The following NEU1 variants were observed in gnomAD, a reference collection of about 807,000 sequenced individuals.
The protein encoded by NEU1 is neuraminidase 1, also known as sialidase-1.
In NEU1, 32 loss-of-function variants were observed where a neutral mutation model predicts 38.3. The ratio of observed to expected loss-of-function variants is 0.84; its 90% CI spans 0.63 to 1.12. The LOEUF is 1.12. Among genes scored for constraint, NEU1 ranks in the 50% most tolerant of loss-of-function variants. The probability of loss-of-function intolerance (pLI) is 0.00; values close to 1 mark genes in which losing one functional copy is unlikely to be tolerated. For missense variants in NEU1, 431 were observed against 549.2 expected, an observed-to-expected ratio of 0.78 and a Z score of 2.15; for synonymous variants, 192 against 225.2, an observed-to-expected ratio of 0.85 and a Z score of 1.32.
Position 31,862,807 on chromosome 6 carries a change from C to G in NEU1, c.-31G>C. On this transcript the variant is annotated 5_prime_UTR_variant, in exon 1 of 6. Transcript: ENST00000375631. The surrounding 1 kb of genome is among the most constrained non-coding windows in gnomAD (Gnocchi z 6.3). ...CCCGCAGCTGCCGCGACCCTGGCAG[C>G]TAGACTCCACAGAGTCGGGAGTCAG... 3.7e-6 allele frequency: 6 copies of G among 1,611,994 alleles called. No homozygotes were observed. The highest frequency in any genetic ancestry group is 4.2e-6 in the Non-Finnish European group (5 of 1,179,676).
Position 31,862,619 on chromosome 6 carries a change from A to T in NEU1, c.158T>A (p.Leu53Gln), listed in dbSNP as rs769626865. Residue 53 changes from leucine (L) to glutamine (Q), a missense_variant and splice_region_variant, in exon 1 of 6, where the codon CTG (leucine) becomes CAG (glutamine). By Grantham distance (113) the Leu-to-Gln change is moderately radical (BLOSUM62 -2). Coordinates refer to ENST00000375631, the MANE Select transcript of NEU1 (RefSeq NM_000434.4). The surrounding 1 kb of genome is among the most constrained non-coding windows in gnomAD (Gnocchi z 6.3). ...GGGGCTATGCAAAGGGTGACTCACCAGACCGAAGTCGTTCTCAGCCTTGGA... is the reference window on the plus strand; with the variant it reads ...GGGGCTATGCAAAGGGTGACTCACCTGACCGAAGTCGTTCTCAGCCTTGGA... ...SWSKAENDFGLVQPLVTMEQL... is the reference protein window; with the variant it reads ...SWSKAENDFGQVQPLVTMEQL... 1 of 1,613,108 alleles carries T rather than the reference A, an allele frequency of 6.2e-7. No homozygotes were observed. Among genetic ancestry groups the T allele is most frequent in the South Asian group, 1.1e-5 (1 of 91,090 alleles).
In NEU1 at chr6:31,860,045, AC is replaced by A. The variant is rs749033516; in HGVS notation, c.1017del (p.Glu339AspfsTer4). On this transcript the variant is annotated frameshift_variant, in exon 5 of 6. Coordinates refer to ENST00000375631, the MANE Select transcript of NEU1 (RefSeq NM_000434.4). LOFTEE classifies it high-confidence loss of function. The surrounding 1 kb of genome is among the most constrained non-coding windows in gnomAD (Gnocchi z 4.8). ...ACCCCACCCATGAGGCACTCACGGAACTCTGGATGTGCTGGGTTGGAGAAGA... is the reference window on the plus strand; with the variant it reads ...ACCCCACCCATGAGGCACTCACGGAATCTGGATGTGCTGGGTTGGAGAAGA... ...IVFFSNPAHP[E>X]FRVNLTLRWS... is the part of the protein sequence containing the mutation. 6.2e-7 allele frequency: 1 copy of A among 1,612,744 alleles called. No homozygotes were observed. Among genetic ancestry groups the A allele is most frequent in the African/African-American group, 1.3e-5 (1 of 74,934 alleles).
chr6:31,861,555 G>T, intron 2 of NEU1, 105 bp from the exon 3 acceptor site: 2 of 1,436,524 alleles, frequency 1.4e-6, no homozygotes, highest in South Asian at 1.2e-5. Context: ...CAGGCCTTCC[G>T]ATGGTCCCAG....
intron 2 of NEU1, 86 bp from the exon 3 acceptor site, chr6:31,861,536 T>G (rs1762513439): frequency 6.4e-7 from 1 of 1,574,214 alleles, no homozygotes; most frequent in African/African-American, 1.3e-5. Flanking sequence ...CACCTTCTGC[T>G]AGGGACCTCA....
Position 31,862,608 on chromosome 6 carries a change from G to T in NEU1, c.159+10C>A. On this transcript the variant is annotated intron_variant, in intron 1 of 5. Transcript: ENST00000375631. The surrounding 1 kb of genome is among the most constrained non-coding windows in gnomAD (Gnocchi z 6.3). ...GGGTCGGGGATGGGGCTATGCAAAGGGTGACTCACCAGACCGAAGTCGTTC... is the reference window on the plus strand; with the variant it reads ...GGGTCGGGGATGGGGCTATGCAAAGTGTGACTCACCAGACCGAAGTCGTTC... 1.2e-6 allele frequency: 2 copies of T among 1,613,066 alleles called. No individual in the cohort carries two copies. The highest frequency in any genetic ancestry group is 1.7e-6 in the Non-Finnish European group (2 of 1,180,034).
rs1449199704 is a variant in NEU1 at position 31,859,850 on chromosome 6, G to A, written c.1117C>T (p.Leu373=). ...LWPGPSGYSS[L]ATLEGSMDGE... is the part of the protein sequence containing the mutation. The stretch of plus-strand genomic sequence containing the variant: ...TCCATGCTGCCCTCCAGGGTTGCCA[G>A]GGATGAATAGCCACTGGGGCCTGGC... Residue 373 remains leucine (L), a synonymous_variant, in exon 6 of 6, where the codon CTG becomes TTG. Transcript: ENST00000375631. 1 of 1,613,094 alleles carries A rather than the reference G, an allele frequency of 6.2e-7. No homozygotes were observed. The highest frequency in any genetic ancestry group is 1.1e-5 in the South Asian group (1 of 91,084).
At position 31,861,200 on chromosome 6, in the gene NEU1, G is replaced by T; in HGVS notation, c.603C>A (p.Gly201=). 2.5e-6 allele frequency: 4 copies of T among 1,611,770 alleles called. No individual in the cohort carries two copies. In the South Asian group the frequency reaches 4.4e-5, roughly 18 times the overall value. Residue 201 remains glycine (G), a synonymous_variant, in exon 3 of 6, where the codon GGC becomes GGA. Coordinates refer to ENST00000375631, the MANE Select transcript of NEU1 (RefSeq NM_000434.4). ...CTAGGACAGAGACCTGAATACCAGA[G>T]CCCGGTCCAGGGGCAAACACTTCAG... is the stretch of plus-strand genomic sequence containing the variant. ...IGTEVFAPGP[G]SGIQKQREPR... is the part of the protein sequence containing the mutation.
In NEU1 at chr6:31,860,343, T is replaced by C; in HGVS notation, c.799-79A>G. 9.4e-6 allele frequency: 15 copies of C among 1,603,438 alleles called. No individual in the cohort carries two copies. Among genetic ancestry groups the C allele is most frequent in the Non-Finnish European group, 1.3e-5 (15 of 1,170,706 alleles). On this transcript the variant is annotated intron_variant, in intron 4 of 5. Coordinates refer to ENST00000375631, the MANE Select transcript of NEU1 (RefSeq NM_000434.4). This position sits in a 1 kb window ranked among gnomAD's most constrained non-coding sequence, Gnocchi z 4.8. ...CGAGGGGAGCAAGGGTGTGTGGCAC[T>C]GAGTGGAGCAGTCAGACCCTGGGTC...
Position 31,859,735 on chromosome 6 carries a change from A to G in NEU1, c.1232T>C (p.Val411Ala), listed in dbSNP as rs1303063503. ...TESISVAKIS[V>A]YGTL Reference sequence around the variant, plus strand: ...TGGCACAGCTCAGAGTGTCCCATAGACACTGATTTTGGCCACGGAGATGCT... The same window carrying G: ...TGGCACAGCTCAGAGTGTCCCATAGGCACTGATTTTGGCCACGGAGATGCT... The change falls in exon 6 of 6, where the codon GTC becomes GCC. Residue 411 changes from valine (V) to alanine (A), a missense_variant. Coordinates refer to ENST00000375631, the MANE Select transcript of NEU1 (RefSeq NM_000434.4). 2.0e-5 allele frequency: 33 copies of G among 1,612,796 alleles called. No homozygotes were observed. The highest frequency in any genetic ancestry group is 2.7e-5 in the Non-Finnish European group (32 of 1,180,012).
At position 31,861,047 on chromosome 6, in the gene NEU1, A is replaced by G. The variant is rs993702946; in HGVS notation, c.615+141T>C. 23 of 1,156,932 alleles carry G rather than the reference A, an allele frequency of 2.0e-5. 1 individual carries two copies. The South Asian group carries it at 3.1e-4, about 16-fold the overall frequency. The allele number at this position is 1,156,932 out of a possible 1,614,324, so 71.7% of individuals were successfully genotyped here. A position where few individuals can be genotyped will look rare whatever the true frequency, so the allele number is the denominator to read the frequency against. Reference sequence around the variant, plus strand: ...CTCCTGATAATGTGTTCCTACCAGGATGCCCTGTCTTTCAAGGAATCCCAC... The same window carrying G: ...CTCCTGATAATGTGTTCCTACCAGGGTGCCCTGTCTTTCAAGGAATCCCAC... On this transcript the variant is annotated intron_variant, in intron 3 of 5. Transcript: ENST00000375631.
At position 31,862,235 on chromosome 6, in the gene NEU1, G is replaced by A. The variant is rs1188589555; in HGVS notation, c.160-44C>T. On this transcript the variant is annotated intron_variant, in intron 1 of 5. Coordinates refer to ENST00000375631, the MANE Select transcript of NEU1 (RefSeq NM_000434.4). The surrounding 1 kb of genome is among the most constrained non-coding windows in gnomAD (Gnocchi z 6.3). Reference sequence around the variant, plus strand: ...GGGTCAACAAAGACAAACTTGTCTTGGGGGTTTTAGGAACCCACGTTCCGA... The same window carrying A: ...GGGTCAACAAAGACAAACTTGTCTTAGGGGTTTTAGGAACCCACGTTCCGA... 8 of 1,601,518 alleles carry A rather than the reference G, an allele frequency of 5.0e-6. No homozygotes were observed. The highest frequency in any genetic ancestry group is 6.8e-6 in the Non-Finnish European group (8 of 1,172,342).
At chr6:31,861,796 T>C in intron 2 of NEU1, 1 of 673,532 alleles carries the variant, frequency 1.5e-6, no homozygotes, top group South Asian at 1.7e-5. Context: ...CCAATAAATG[T>C]TTGCTAAGTG....
In NEU1 at chr6:31,859,715, C is replaced by T. The variant is rs1762426418; in HGVS notation, c.*4G>A. 6.2e-7 allele frequency: 1 copy of T among 1,612,620 alleles called. No homozygotes were observed. Among genetic ancestry groups the T allele is most frequent in the Non-Finnish European group, 8.5e-7 (1 of 1,179,908 alleles). On this transcript the variant is annotated 3_prime_UTR_variant, in exon 6 of 6. Transcript: ENST00000375631. ...GCAGAATACCCCTGTGGCAGTGGCA[C>T]AGCTCAGAGTGTCCCATAGACACTG...
At chr6:31,861,644 G>A in intron 2 of NEU1, 194 bp from the exon 3 acceptor site, 2 of 680,566 alleles carry the variant, frequency 2.9e-6, no homozygotes, top group South Asian at 1.9e-5. Flanking sequence ...CCTTGCAACA[G>A]ACAAAAAAGT....
At chr6:31,861,675 T>G in intron 2 of NEU1, 1 of 633,028 alleles carries the variant, frequency 1.6e-6, no homozygotes, top group Non-Finnish European at 2.7e-6. Context: ...ATTATGCTTG[T>G]CTGTCTCCTT....
At position 31,859,792 on chromosome 6, in the gene NEU1, A is replaced by G. The variant is rs941364313; in HGVS notation, c.1175T>C (p.Leu392Pro). 6.2e-7 allele frequency: 1 copy of G among 1,613,036 alleles called. No homozygotes were observed. Among genetic ancestry groups the G allele is most frequent in the Non-Finnish European group, 8.5e-7 (1 of 1,180,016 alleles). ...GTAGTGGTTCCGGCCTTTCTCATAC[A>G]GGACGTAGAGCTGGGGGGCCTGCTC... Reference protein sequence around the residue: ...GEEQAPQLYVLYEKGRNHYTE... With the variant: ...GEEQAPQLYVPYEKGRNHYTE... Residue 392 changes from leucine to proline, a missense_variant, in exon 6 of 6, where the codon CTG becomes CCG. By Grantham distance (98) the Leu-to-Pro change is moderately conservative. Coordinates refer to ENST00000375631, the MANE Select transcript of NEU1 (RefSeq NM_000434.4).
In NEU1 at chr6:31,859,821, T is replaced by C; in HGVS notation, c.1146A>G (p.Gly382=). Residue 382 remains glycine, a synonymous_variant, in exon 6 of 6, where the codon GGA becomes GGG. Transcript: ENST00000375631. ...SLATLEGSMD[G]EEQAPQLYVL... ...CGTAGAGCTGGGGGGCCTGCTCCTC[T>C]CCATCCATGCTGCCCTCCAGGGTTG... 6.2e-7 allele frequency: 1 copy of C among 1,613,058 alleles called. No individual in the cohort carries two copies. Among genetic ancestry groups the C allele is most frequent in the Non-Finnish European group, 8.5e-7 (1 of 1,180,020 alleles).
At position 31,861,982 on chromosome 6, in the gene NEU1, C is replaced by G; in HGVS notation, c.352+17G>C. On this transcript the variant is annotated intron_variant, in intron 2 of 5. Coordinates refer to ENST00000375631, the MANE Select transcript of NEU1 (RefSeq NM_000434.4). ...ATCCAACCTAGCACCGGCTCTTTCA[C>G]CCAGACATCTTTATACCCTGGTCCA... 1.2e-6 allele frequency: 2 copies of G among 1,612,896 alleles called. No homozygotes were observed. Among genetic ancestry groups the G allele is most frequent in the Non-Finnish European group, 1.7e-6 (2 of 1,179,956 alleles).
At chr6:31,861,670 G>A in intron 2 of NEU1, 1 of 638,012 alleles carries the variant, frequency 1.6e-6, no homozygotes. Context: ...TGTTTATTAT[G>A]CTTGTCTGTC....
Sources: gnomAD v4.1 joint callset for allele counts on GRCh38, gnomAD v4.1.1 for gene constraint, Gnocchi (gnomAD v3.1) non-coding constraint, MANE v1.5 for transcripts, NCBI Gene and HGNC (gene_info 2026-07-23, HGNC 2026-07-21) for gene names.